DCLRE1C: variants seen among roughly 807,000 people sequenced by gnomAD.
The protein encoded by DCLRE1C is DNA cross-link repair 1C.
Under a neutral mutation model 61.4 loss-of-function variants are expected in DCLRE1C, and 47 were observed. That is an observed-to-expected ratio of 0.77 (90% confidence interval 0.61 to 0.98). The LOEUF (loss-of-function observed/expected upper bound fraction) is 0.98. DCLRE1C is among the 50% of genes least tolerant of loss of function. The pLI is 0.00. For missense variants in DCLRE1C, 858 were observed against 816.0 expected (o/e 1.05, Z -0.63); for synonymous variants, 337 against 287.6 (o/e 1.17, Z -1.74).
chr10:14,919,189 C>T (rs1158246501), intron 13 of DCLRE1C, among the ~76,000 whole-genome samples: 1 of 152,164 alleles, frequency 6.6e-6, no homozygotes, highest in Non-Finnish European at 1.5e-5. Context: ...AGCCCCAGAG[C>T]TTTGCTCAGA....
rs531504817 is a variant in DCLRE1C at position 14,939,780 on chromosome 10, T to A, written c.306+30A>T. On this transcript the variant is annotated intron_variant, in intron 4 of 13. Transcript: ENST00000378278. ...CAATCATTTTAGCACCACATTTTTT[T>A]AAAAAAATCAATATTTAATATTTAG... 587 of 1,553,438 alleles carry A rather than the reference T, an allele frequency of 3.8e-4. 1 individual carries two copies. Among genetic ancestry groups the A allele is most frequent in the Middle Eastern group, 6.8e-4 (4 of 5,884 alleles).
At chr10:14,947,919 C>T (rs375058788) in intron 2 of DCLRE1C, among the ~76,000 whole-genome samples, 5 of 151,988 alleles carry the variant, frequency 3.3e-5, no homozygotes, top group East Asian at 3.9e-4. Flanking sequence ...AGTAGCTGGG[C>T]GTGGTGGTGG....
At chr10:14,947,987 T>C (rs1304983714) in intron 2 of DCLRE1C, among the ~76,000 whole-genome samples, 6 of 152,138 alleles carry the variant, frequency 3.9e-5, no homozygotes, top group African/African-American at 7.2e-5. Context: ...CGAAAAGAAG[T>C]TGCAGTGAGC....
At chr10:14,932,544 G>A (rs561683562) in intron 9 of DCLRE1C, among the ~76,000 whole-genome samples, 20 of 152,134 alleles carry the variant, frequency 1.3e-4, no homozygotes, top group Non-Finnish European at 2.5e-4. Context: ...GGCTGAGGCA[G>A]GAGAACACGT....
chr10:14,905,388 CA>C lies in DCLRE1C; in HGVS notation c.*3019del, dbSNP rs1475306439. Among the ~76,000 whole-genome samples the C allele has an allele frequency of 6.6e-6, 1 of 152,194 alleles. No homozygotes were observed. Among genetic ancestry groups the C allele is most frequent in the Non-Finnish European group, 1.5e-5 (1 of 68,032 alleles). ...CTATGGTAAGTACTGCCTAGAAATG[CA>C]AAGGAATTTTAGAATTCAGAGCTCA... On this transcript the variant is annotated 3_prime_UTR_variant, in exon 14 of 14. Coordinates refer to ENST00000378278, the MANE Select transcript of DCLRE1C (RefSeq NM_001033855.3).
At chr10:14,914,482 A>G (rs1835833220) in intron 13 of DCLRE1C, among the ~76,000 whole-genome samples, 1 of 152,358 alleles carries the variant, frequency 6.6e-6, no homozygotes, top group East Asian at 1.9e-4. Context: ...AGAATGTAGA[A>G]GACCTGAACA....
chr10:14,926,646 A>G (rs534131297), intron 11 of DCLRE1C, among the ~76,000 whole-genome samples, 197 bp downstream of exon 11: 1 of 144,066 alleles, frequency 6.9e-6, no homozygotes, highest in African/African-American at 2.6e-5. Flanking sequence ...AGAGTAAAAC[A>G]CTGTCTCAAC....
At chr10:14,941,822 T>C (rs1244440937) in intron 3 of DCLRE1C, among the ~76,000 whole-genome samples, 1 of 152,112 alleles carries the variant, frequency 6.6e-6, no homozygotes, top group African/African-American at 2.4e-5. Flanking sequence ...GTTCTGTTCA[T>C]TAGTCCACAT....
chr10:14,899,579 A>G (rs761163033), intron 13 of DCLRE1C: 4 of 1,614,180 alleles, frequency 2.5e-6, no homozygotes, highest in South Asian at 1.1e-5. Context: ...GGACAGTTCT[A>G]TGACAACAAG....
intron 3 of DCLRE1C, among the ~76,000 whole-genome samples, chr10:14,942,979 A>G (rs1417919886): frequency 2.0e-5 from 3 of 152,192 alleles, no homozygotes; most frequent in Non-Finnish European, 4.4e-5. Context: ...TACAAAAATT[A>G]GCCAGGTGTG....
At chr10:14,952,226 T>C (rs1842553662) in intron 1 of DCLRE1C, among the ~76,000 whole-genome samples, 3 of 151,988 alleles carry the variant, frequency 2.0e-5, no homozygotes, top group African/African-American at 7.3e-5. Flanking sequence ...GAGACTCCAG[T>C]GCGGCTCTAC....
At chr10:14,913,891 A>C (rs1835723406) in intron 13 of DCLRE1C, among the ~76,000 whole-genome samples, 1 of 152,224 alleles carries the variant, frequency 6.6e-6, no homozygotes, top group Admixed American at 6.5e-5. Context: ...GGATGACTGC[A>C]TTATAAGCCA....
chr10:14,901,903 A>G (rs143908752), downstream of DCLRE1C, among the ~76,000 whole-genome samples: 410 of 152,344 alleles, frequency 2.7e-3, 2 homozygotes, highest in African/African-American at 9.2e-3. Flanking sequence ...AAATATTTAA[A>G]TCACATACAA....
At chr10:14,919,356 T>G (rs1411135619) in intron 13 of DCLRE1C, among the ~76,000 whole-genome samples, 2 of 152,170 alleles carry the variant, frequency 1.3e-5, no homozygotes, top group Non-Finnish European at 1.5e-5. Context: ...AAGTCTATTA[T>G]CAGCATTTAC....
chr10:14,906,679 TAGTTTAAC>T lies in DCLRE1C; in HGVS notation c.*1721_*1728del, dbSNP rs1834421894. ...CATCATGATAATGCATATCAAGTGT[TAGTTTAAC>T]TGATCTGCAAATTGTTTTAAGTGGT... On this transcript the variant is annotated 3_prime_UTR_variant, in exon 14 of 14. Coordinates refer to ENST00000378278, the MANE Select transcript of DCLRE1C (RefSeq NM_001033855.3). Among the ~76,000 whole-genome samples the T allele has an allele frequency of 6.6e-6, 1 of 152,228 alleles. No homozygotes were observed. The highest frequency in any genetic ancestry group is 2.1e-4 in the South Asian group (1 of 4,832).
rs748375861 is a variant in DCLRE1C at position 14,954,060 on chromosome 10, A to G, written c.-50T>C. The G allele has an allele frequency of 6.2e-7, 1 of 1,610,804 alleles. No homozygotes were observed. Among genetic ancestry groups the G allele is most frequent in the Non-Finnish European group, 8.5e-7 (1 of 1,179,254 alleles). ...GACCCCAAAACCGCAGCTGAAGCCA[A>G]GGCCAGCCCTGACCGCGCCGCCACT... On this transcript the variant is annotated 5_prime_UTR_variant, in exon 1 of 14. Coordinates refer to ENST00000378278, the MANE Select transcript of DCLRE1C (RefSeq NM_001033855.3).
chr10:14,906,050 G>A lies in DCLRE1C; in HGVS notation c.*2358C>T, dbSNP rs1389899297. On this transcript the variant is annotated 3_prime_UTR_variant, in exon 14 of 14. Transcript: ENST00000378278. ...TGATTCTTGACGTAAAAACCAAGTA[G>A]CTGCTACAATTAACCCTGCTCATGT... Among the ~76,000 whole-genome samples the A allele has an allele frequency of 6.6e-6, 1 of 152,176 alleles. No individual in the cohort carries two copies. The highest frequency in any genetic ancestry group is 1.5e-5 in the Non-Finnish European group (1 of 68,034).
chr10:14,949,108 A>C (rs1212588040), intron 1 of DCLRE1C, 21 bp from the exon 2 acceptor site: 2 of 1,556,658 alleles, frequency 1.3e-6, no homozygotes, highest in African/African-American at 2.7e-5. Context: ...AAGAACAAAA[A>C]CTCATGAATA....
Position 14,949,105 on chromosome 10 carries a change from A to G in DCLRE1C, c.110-18T>C, listed in dbSNP as rs768829530. ...CATGTGATCTAAAAACAAAAGAACAAAAACTCATGAATATGTTTTTCCAGA... is the reference window on the plus strand; with the variant it reads ...CATGTGATCTAAAAACAAAAGAACAGAAACTCATGAATATGTTTTTCCAGA... On this transcript the variant is annotated intron_variant, in intron 1 of 13. Transcript: ENST00000378278. The G allele has an allele frequency of 2.6e-6, 4 of 1,564,710 alleles. No homozygotes were observed. The highest frequency in any genetic ancestry group is 2.6e-6 in the Non-Finnish European group (3 of 1,135,964).
Sources: allele counts gnomAD v4.1 joint callset (sites outside exome capture counted in the v4.1 genomes callset), GRCh38; gene constraint gnomAD v4.1.1; transcripts MANE v1.5; gene names NCBI Gene and HGNC (gene_info 2026-07-23, HGNC 2026-07-21).